Variants in POLA1 observed in about 807,000 individuals in gnomAD.
POLA1 encodes DNA polymerase alpha 1, catalytic subunit.
POLA1 carries 15 observed loss-of-function variants against 124.0 expected under a neutral mutation model. The ratio of observed to expected loss-of-function variants is 0.12; its 90% CI spans 0.08 to 0.19. The LOEUF (loss-of-function observed/expected upper bound fraction) is 0.19. Among genes scored for constraint, POLA1 ranks in the 10% least tolerant of loss-of-function variants. POLA1 has a pLI of 1.00. For missense variants in POLA1, 886 were observed against 1,103.4 expected, an observed-to-expected ratio of 0.80 and a Z score of 2.79; for synonymous variants, 408 against 389.4, an observed-to-expected ratio of 1.05 and a Z score of -0.56.
chrX:24,822,432 AT>A (rs1330407757), intron 31 of POLA1, among the ~76,000 whole-genome samples: 4 of 112,940 alleles, frequency 3.5e-5, no homozygotes, highest in African/African-American at 6.4e-5. Flanking sequence ...CAGTAAAAAA[AT>A]GTTTTACATA....
intron 36 of POLA1, among the ~76,000 whole-genome samples, chrX:24,946,513 C>A (rs996907511): frequency 8.9e-6 from 1 of 111,751 alleles, no homozygotes; most frequent in African/African-American, 3.3e-5. Flanking sequence ...ACAAATTAGA[C>A]CCTTCTTCAC....
chrX:24,719,304 C>T (rs1398068474), intron 10 of POLA1, among the ~76,000 whole-genome samples: 1 of 110,993 alleles, frequency 9.0e-6, no homozygotes, highest in Non-Finnish European at 1.9e-5. Context: ...TGGGGGCGGT[C>T]AGAAGCATTA....
At chrX:24,855,483 T>G (rs1377324998) in intron 34 of POLA1, among the ~76,000 whole-genome samples, 5 of 111,045 alleles carry the variant, frequency 4.5e-5, no homozygotes, top group Admixed American at 1.9e-4. Flanking sequence ...CTTTGTAAGG[T>G]GTGTGTTTCT....
chrX:24,707,745 G>A (rs943402858), intron 4 of POLA1, among the ~76,000 whole-genome samples: 2 of 112,588 alleles, frequency 1.8e-5, no homozygotes, highest in Non-Finnish European at 3.8e-5. Context: ...TGTAATCCCA[G>A]CACTTTGGGA....
intron 34 of POLA1, among the ~76,000 whole-genome samples, chrX:24,844,671 T>G (rs1359332678): frequency 8.9e-6 from 1 of 111,999 alleles, no homozygotes; most frequent in African/African-American, 3.2e-5. Context: ...ATTTTGGTGT[T>G]GAATATATTT....
intron 30 of POLA1, among the ~76,000 whole-genome samples, chrX:24,820,255 A>G (rs776254566): frequency 6.3e-5 from 7 of 111,305 alleles, no homozygotes; most frequent in South Asian, 7.7e-4. Flanking sequence ...TTTGCCCACT[A>G]TTGCTTCTGT....
At chrX:24,704,543 C>G in intron 4 of POLA1, 74 bp downstream of exon 4, 1 of 664,254 alleles carries the variant, frequency 1.5e-6, no homozygotes, top group Non-Finnish European at 2.4e-6. Flanking sequence ...TGACTTGATA[C>G]TCTGATAGTT....
intron 34 of POLA1, among the ~76,000 whole-genome samples, chrX:24,879,164 G>T (rs59617631): frequency 0.037 from 4,066 of 111,133 alleles, 181 homozygotes; most frequent in African/African-American, 0.13. Flanking sequence ...GGCAGGAATG[G>T]CGTTGGAAGT....
chrX:24,799,941 G>A (rs1023277124), intron 26 of POLA1, among the ~76,000 whole-genome samples: 2 of 111,797 alleles, frequency 1.8e-5, no homozygotes, highest in African/African-American at 6.5e-5. Flanking sequence ...GACACTTTGA[G>A]TCAATTTTAA....
At chrX:24,725,487 C>G (rs764024270) in intron 12 of POLA1, among the ~76,000 whole-genome samples, 1 of 111,046 alleles carries the variant, frequency 9.0e-6, no homozygotes, top group Non-Finnish European at 1.9e-5. Context: ...CGTGAGCCAC[C>G]GTGCCCAGCC....
chrX:24,713,508 G>T (rs1470392187), intron 4 of POLA1, among the ~76,000 whole-genome samples: 2 of 110,329 alleles, frequency 1.8e-5, no homozygotes, highest in African/African-American at 6.6e-5. Context: ...TCTCGCCTCC[G>T]GGGTTCAAGC....
At chrX:24,888,727 C>T (rs1335098125) in intron 35 of POLA1, among the ~76,000 whole-genome samples, 1 of 106,505 alleles carries the variant, frequency 9.4e-6, no homozygotes, top group East Asian at 2.9e-4. Flanking sequence ...AGGCGCGTGC[C>T]ACTGCGCCCA....
intron 4 of POLA1, among the ~76,000 whole-genome samples, chrX:24,709,316 A>G (rs1403061970): frequency 1.2e-5 from 1 of 83,979 alleles, no homozygotes; most frequent in Non-Finnish European, 2.3e-5. Flanking sequence ...TCCCTCCCGG[A>G]TGGGGCGGCT....
At chrX:24,757,435 A>T (rs1932659145) in intron 26 of POLA1, among the ~76,000 whole-genome samples, 1 of 64,642 alleles carries the variant, frequency 1.5e-5, no homozygotes, top group Non-Finnish European at 2.4e-5. Flanking sequence ...AAAATCTGAA[A>T]CTTTTTTTTT....
chrX:24,784,790 A>G (rs1406871353), intron 26 of POLA1, among the ~76,000 whole-genome samples: 3 of 112,510 alleles, frequency 2.7e-5, no homozygotes, highest in Non-Finnish European at 5.6e-5. Context: ...AGTAGACACT[A>G]ATGTAATAAT....
chrX:24,996,841 C>G lies in POLA1; in HGVS notation c.*891C>G, dbSNP rs1441137109. ...ATTTCAGTATGGCAGTCTTTCCTCT[C>G]TTACATTATTGGTAAGATTATACTA... On this transcript the variant is annotated 3_prime_UTR_variant, in exon 37 of 37. Coordinates refer to ENST00000379068, the MANE Select transcript of POLA1 (RefSeq NM_001330360.2). 1.8e-5 allele frequency: 2 copies of G among 111,985 alleles called. No homozygotes were observed. Among genetic ancestry groups the G allele is most frequent in the African/African-American group, 3.3e-5 (1 of 30,723 alleles). 9.2% of individuals were successfully genotyped at this position (111,985 alleles called of 1,213,427 possible).
At chrX:24,814,272 G>A (rs890460136) in intron 29 of POLA1, among the ~76,000 whole-genome samples, 5 of 111,909 alleles carry the variant, frequency 4.5e-5, no homozygotes, top group Non-Finnish European at 7.5e-5. Context: ...TGTTTTTGTC[G>A]GGGTTCTTTT....
chrX:24,905,563 CTT>C (rs1206053761), intron 35 of POLA1, among the ~76,000 whole-genome samples: 2 of 28,955 alleles, frequency 6.9e-5, no homozygotes, highest in African/African-American at 1.7e-4. Flanking sequence ...CCCCCCCCCC[CTT>C]TTTTTTTTTT....
At chrX:24,945,836 A>G (rs1219847821) in intron 36 of POLA1, among the ~76,000 whole-genome samples, 2 of 111,155 alleles carry the variant, frequency 1.8e-5, no homozygotes, top group African/African-American at 6.5e-5. Flanking sequence ...AGAAAGGAAA[A>G]TGAAGTCAAA....
Sources: gnomAD v4.1 joint callset for allele counts (sites outside exome capture counted in the v4.1 genomes callset) on GRCh38, gnomAD v4.1.1 for gene constraint, MANE v1.5 for transcripts, NCBI Gene and HGNC (gene_info 2026-07-23, HGNC 2026-07-21) for gene names.